The following CADPS2 variants were observed in gnomAD, a reference collection of about 807,000 sequenced individuals.
CADPS2 encodes calcium dependent secretion activator 2.
Under a neutral mutation model 172.5 loss-of-function variants are expected in CADPS2, and 93 were observed. That is an observed-to-expected ratio of 0.54 (90% CI 0.46 to 0.64). The LOEUF (loss-of-function observed/expected upper bound fraction) is 0.64. Ranked by LOEUF, CADPS2 falls within the 30% of genes least tolerant of loss-of-function variation. The pLI, the probability that CADPS2 is intolerant of heterozygous loss-of-function variation, is 0.00. For synonymous variants in CADPS2, 546 were observed against 555.2 expected (o/e 0.98, Z 0.23); for missense variants, 1,420 against 1,565.9 (o/e 0.91, Z 1.57).
intron 1 of CADPS2, among the ~76,000 whole-genome samples, chr7:122,778,276 T>C (rs2093945724): frequency 6.6e-6 from 1 of 152,128 alleles, no homozygotes; most frequent in South Asian, 2.1e-4. Flanking sequence ...AGAGAGATGA[T>C]TTAGGGAATC....
At chr7:122,459,549 T>C (rs540318001) in intron 14 of CADPS2, among the ~76,000 whole-genome samples, 227 of 152,292 alleles carry the variant, frequency 1.5e-3, no homozygotes, top group South Asian at 0.013. Context: ...TTTGTTATAA[T>C]CATTTTCAAT....
intron 8 of CADPS2, among the ~76,000 whole-genome samples, chr7:122,545,900 T>C (rs2063568711): frequency 1.3e-5 from 2 of 152,146 alleles, no homozygotes; most frequent in Admixed American, 1.3e-4. Context: ...CAAAACCATG[T>C]TTTGAAATGT....
chr7:122,604,578 A>G (rs2133583341), intron 6 of CADPS2, among the ~76,000 whole-genome samples: 1 of 152,258 alleles, frequency 6.6e-6, no homozygotes, highest in East Asian at 1.9e-4. Flanking sequence ...ACAACACTAA[A>G]GTCTTTAGAG....
chr7:122,357,315 C>T (rs2039532279), intron 27 of CADPS2: 1 of 152,116 alleles, frequency 6.6e-6, no homozygotes, highest in South Asian at 2.1e-4. Flanking sequence ...AACCAGAGTA[C>T]AATGCTTATT....
At position 122,537,030 on chromosome 7, in the gene CADPS2, G is replaced by A. The variant is rs182021344; in HGVS notation, c.1475+17520C>T. On this transcript the variant is annotated intron_variant, in intron 8 of 29. Transcript: ENST00000449022. Reference sequence around the variant, plus strand: ...TACTGAGACTTTTTTGAGGGTGGAGGATGGGAGGAGGGAAGAAGATCAGGA... The same window carrying A: ...TACTGAGACTTTTTTGAGGGTGGAGAATGGGAGGAGGGAAGAAGATCAGGA... Among the ~76,000 whole-genome samples, 513 of 152,100 alleles carry A rather than the reference G, an allele frequency of 3.4e-3. 1 individual carries two copies. The highest frequency in any genetic ancestry group is 5.8e-3 in the Non-Finnish European group (396 of 67,950).
At chr7:122,557,384 T>C (rs1173486128) in intron 7 of CADPS2, among the ~76,000 whole-genome samples, 1 of 152,140 alleles carries the variant, frequency 6.6e-6, no homozygotes, top group Non-Finnish European at 1.5e-5. Context: ...TGGCAGGGTG[T>C]CTTCACAGTG....
chr7:122,748,351 C>T (rs900749093), intron 1 of CADPS2, among the ~76,000 whole-genome samples: 33 of 152,150 alleles, frequency 2.2e-4, no homozygotes, highest in African/African-American at 5.3e-4. Context: ...ATCACTCTCA[C>T]GCAGGAAGAA....
chr7:122,773,559 G>A (rs2093770708), intron 1 of CADPS2, among the ~76,000 whole-genome samples: 1 of 151,956 alleles, frequency 6.6e-6, no homozygotes, highest in Non-Finnish European at 1.5e-5. Flanking sequence ...TGGCACAAAA[G>A]AAGGAATATA....
chr7:122,385,030 C>T (rs1009403645), intron 24 of CADPS2, among the ~76,000 whole-genome samples: 1 of 151,902 alleles, frequency 6.6e-6, no homozygotes, highest in African/African-American at 2.4e-5. Context: ...ATTCCACAAA[C>T]CAGATGAGAA....
At chr7:122,578,227 A>C (rs1186553875) in intron 7 of CADPS2, among the ~76,000 whole-genome samples, 1 of 151,986 alleles carries the variant, frequency 6.6e-6, no homozygotes, top group Non-Finnish European at 1.5e-5. Context: ...ATATATACCC[A>C]CACACACATA....
At chr7:122,582,446 A>G (rs923674189) in intron 6 of CADPS2, among the ~76,000 whole-genome samples, 1 of 152,032 alleles carries the variant, frequency 6.6e-6, no homozygotes, top group African/African-American at 2.4e-5. Flanking sequence ...TTGAAATATC[A>G]TAAGCCAGAG....
intron 25 of CADPS2, among the ~76,000 whole-genome samples, chr7:122,376,159 T>C (rs1015513567): frequency 1.3e-5 from 2 of 152,070 alleles, no homozygotes; most frequent in Non-Finnish European, 2.9e-5. Flanking sequence ...CTATGGGAAA[T>C]AGTGTGTAGA....
At chr7:122,709,293 G>A (rs1052519414) in intron 2 of CADPS2, among the ~76,000 whole-genome samples, 2 of 151,986 alleles carry the variant, frequency 1.3e-5, no homozygotes, top group Non-Finnish European at 2.9e-5. Context: ...GCAGCCAAAA[G>A]ACACATGAAA....
chr7:122,477,472 C>T (rs376817060), intron 12 of CADPS2, among the ~76,000 whole-genome samples: 42 of 151,674 alleles, frequency 2.8e-4, no homozygotes, highest in Middle Eastern at 3.4e-3. Context: ...GCTGAGATTG[C>T]GCCACTGCAC....
chr7:122,343,064 A>G (rs934614670), intron 28 of CADPS2, among the ~76,000 whole-genome samples: 2 of 152,054 alleles, frequency 1.3e-5, no homozygotes, highest in Non-Finnish European at 2.9e-5. Context: ...ATAACCTCTC[A>G]TTTTCTAACT....
intron 5 of CADPS2, among the ~76,000 whole-genome samples, chr7:122,615,982 T>A (rs956038176): frequency 2.0e-5 from 3 of 152,086 alleles, no homozygotes; most frequent in Admixed American, 6.6e-5. Flanking sequence ...TTGCCTTATG[T>A]ACTTGTAACT....
intron 8 of CADPS2, among the ~76,000 whole-genome samples, chr7:122,541,983 G>A (rs2063144276): frequency 6.7e-6 from 1 of 150,338 alleles, no homozygotes; most frequent in South Asian, 2.1e-4. Context: ...TGTAATAGTA[G>A]CATAAAATCA....
chr7:122,813,102 A>C (rs891995839), intron 1 of CADPS2, among the ~76,000 whole-genome samples: 1 of 152,058 alleles, frequency 6.6e-6, no homozygotes, highest in African/African-American at 2.4e-5. Flanking sequence ...ATCAGATTTC[A>C]AAGCAGCACA....
chr7:122,865,435 C>T (rs746471084), intron 1 of CADPS2, among the ~76,000 whole-genome samples: 5 of 152,326 alleles, frequency 3.3e-5, no homozygotes, highest in African/African-American at 9.6e-5. Context: ...GAGACCCTGA[C>T]TGTTCCACAG....
Sources: allele counts gnomAD v4.1 joint callset (sites outside exome capture counted in the v4.1 genomes callset), GRCh38; gene constraint gnomAD v4.1.1; transcripts MANE v1.5; gene names NCBI Gene and HGNC (gene_info 2026-07-23, HGNC 2026-07-21).